LHCGR: variants seen among roughly 807,000 people sequenced by gnomAD.
LHCGR encodes luteinizing hormone/choriogonadotropin receptor, also known as lutropin-choriogonadotropic hormone receptor.
A neutral mutation model predicts 60.7 loss-of-function variants in LHCGR; 55 were observed. The ratio of observed to expected loss-of-function variants is 0.91; its 90% CI spans 0.73 to 1.13. LHCGR has a LOEUF of 1.13. Ranked by LOEUF, LHCGR falls within the 50% of genes most tolerant of loss-of-function variation. The pLI is 0.00. For synonymous variants in LHCGR, 337 were observed against 316.5 expected, an observed-to-expected ratio of 1.06 and a Z score of -0.69; for missense variants, 862 against 836.0, an observed-to-expected ratio of 1.03 and a Z score of -0.38.
At chr2:48,699,784 TCAA>T (rs770194122) in intron 8 of LHCGR, among the ~76,000 whole-genome samples, 3 of 152,240 alleles carry the variant, frequency 2.0e-5, no homozygotes, top group Admixed American at 6.5e-5. Flanking sequence ...TCAGGCTTTG[TCAA>T]CAAGGTCCTG....
chr2:48,691,524 A>G (rs993545682), intron 10 of LHCGR, among the ~76,000 whole-genome samples: 1 of 152,190 alleles, frequency 6.6e-6, no homozygotes. Flanking sequence ...ACTATTAAAG[A>G]AAATAGATCA....
chr2:48,703,265 C>A (rs977693262), intron 8 of LHCGR, among the ~76,000 whole-genome samples: 3 of 152,176 alleles, frequency 2.0e-5, no homozygotes, highest in African/African-American at 7.2e-5. Context: ...TGTGCAGAAG[C>A]TCTTTAGTTT....
Position 48,725,680 on chromosome 2 carries a change from A to G in LHCGR, c.379T>C (p.Tyr127His), listed in dbSNP as rs1425774068. The G allele has an allele frequency of 1.7e-5, 28 of 1,611,150 alleles. No homozygotes were observed. The highest frequency in any genetic ancestry group is 2.2e-5 in the Non-Finnish European group (26 of 1,177,430). The change falls in exon 4 of 11, where the codon TAC becomes CAC. Residue 127 changes from tyrosine to histidine, a missense_variant. Tyr to His is a moderately conservative substitution (Grantham distance 83). Transcript: ENST00000294954. ...GAFINLPRLK[Y>H]LSICNTGIRK... ...TTAAAAAGGAAAATTTCTCACAAGT[A>G]TTTTAATCGGGGAAGATTTATAAAT...
chr2:48,698,012 A>G (rs532908527), intron 9 of LHCGR, among the ~76,000 whole-genome samples: 1 of 152,288 alleles, frequency 6.6e-6, no homozygotes, highest in African/African-American at 2.4e-5. Context: ...TGAGGAAAGA[A>G]CGAAATTCTG....
Position 48,687,672 on chromosome 2 carries a change from A to C in LHCGR, c.*25T>G. Reference sequence around the variant, plus strand: ...TTTTTTACAGGTTTAAGAACAATTCAATAATGCAGTTACTGATGTAACAGT... The same window carrying C: ...TTTTTTACAGGTTTAAGAACAATTCCATAATGCAGTTACTGATGTAACAGT... On this transcript the variant is annotated 3_prime_UTR_variant, in exon 11 of 11. Coordinates refer to ENST00000294954, the MANE Select transcript of LHCGR (RefSeq NM_000233.4). 6.3e-7 allele frequency: 1 copy of C among 1,581,384 alleles called. No homozygotes were observed. Among genetic ancestry groups the C allele is most frequent in the Non-Finnish European group, 8.7e-7 (1 of 1,150,248 alleles).
intron 9 of LHCGR, among the ~76,000 whole-genome samples, chr2:48,698,374 T>C (rs1667229299): frequency 6.6e-6 from 1 of 152,242 alleles, no homozygotes; most frequent in Non-Finnish European, 1.5e-5. Flanking sequence ...TAATTCAGTT[T>C]ACCCAGAATT....
At chr2:48,714,933 A>G (rs994006218) in intron 6 of LHCGR, among the ~76,000 whole-genome samples, 12 of 152,176 alleles carry the variant, frequency 7.9e-5, no homozygotes, top group African/African-American at 2.9e-4. Context: ...AAAGCCTACA[A>G]CTGGCATAAA....
intron 3 of LHCGR, among the ~76,000 whole-genome samples, chr2:48,728,670 C>T (rs557054444): frequency 2.0e-5 from 3 of 152,134 alleles, no homozygotes; most frequent in African/African-American, 4.8e-5. Context: ...AGAGTTAATT[C>T]CAAAACATCA....
chr2:48,691,212 C>A (rs1218429224), intron 10 of LHCGR, among the ~76,000 whole-genome samples: 1 of 152,128 alleles, frequency 6.6e-6, no homozygotes, highest in Admixed American at 6.5e-5. Flanking sequence ...CGAAAGCTAA[C>A]TTCCCATGTT....
chr2:48,736,759 A>T (rs895722495), intron 1 of LHCGR, among the ~76,000 whole-genome samples: 2 of 152,182 alleles, frequency 1.3e-5, no homozygotes, highest in African/African-American at 4.8e-5. Context: ...AAAATCTGGA[A>T]ATCCTTGCTT....
intron 1 of LHCGR, among the ~76,000 whole-genome samples, chr2:48,744,810 A>G (rs1669623433): frequency 6.6e-6 from 1 of 151,752 alleles, no homozygotes; most frequent in Non-Finnish European, 1.5e-5. Context: ...CTAAAACACC[A>G]AAAGCAATGG....
intron 3 of LHCGR, among the ~76,000 whole-genome samples, chr2:48,727,324 C>T (rs1409919964): frequency 6.6e-6 from 1 of 152,018 alleles, no homozygotes; most frequent in East Asian, 1.9e-4. Context: ...CCCAGTCATT[C>T]ATTCATTTAA....
intron 1 of LHCGR, among the ~76,000 whole-genome samples, 188 bp from the exon 2 acceptor site, chr2:48,731,486 T>A (rs895885055): frequency 1.3e-5 from 2 of 152,198 alleles, no homozygotes; most frequent in African/African-American, 4.8e-5. Flanking sequence ...TCTTGGTCTT[T>A]ATCAAAGAGT....
At chr2:48,750,918 G>C (rs1307274639) in intron 1 of LHCGR, among the ~76,000 whole-genome samples, 1 of 152,198 alleles carries the variant, frequency 6.6e-6, no homozygotes, top group Admixed American at 6.5e-5. Context: ...ATTCTACAAG[G>C]TTCAAAACAG....
intron 10 of LHCGR, 128 bp downstream of exon 10, chr2:48,694,096 C>A: frequency 1.5e-6 from 1 of 686,478 alleles, no homozygotes; most frequent in Non-Finnish European, 2.6e-6. Context: ...CATTTTAAAA[C>A]TATTAAAAGT....
chr2:48,751,342 G>T (rs959423405), intron 1 of LHCGR, among the ~76,000 whole-genome samples: 1 of 152,040 alleles, frequency 6.6e-6, no homozygotes, highest in South Asian at 2.1e-4. Context: ...CCCCCAGCCT[G>T]GGAAGAATTT....
intron 1 of LHCGR, among the ~76,000 whole-genome samples, chr2:48,739,900 G>T (rs1572885757): frequency 6.6e-6 from 1 of 152,196 alleles, no homozygotes; most frequent in Non-Finnish European, 1.5e-5. Flanking sequence ...CGCAGAAGAT[G>T]GGTGATTTCT....
At chr2:48,696,687 G>A (rs191513022) in intron 9 of LHCGR, among the ~76,000 whole-genome samples, 1 of 152,296 alleles carries the variant, frequency 6.6e-6, no homozygotes, top group East Asian at 1.9e-4. Flanking sequence ...AACTTTTACT[G>A]ATGAGGAAGG....
chr2:48,707,708 C>T (rs547616297), intron 8 of LHCGR, among the ~76,000 whole-genome samples: 2 of 152,358 alleles, frequency 1.3e-5, no homozygotes, highest in East Asian at 3.9e-4. Context: ...CTACTCAAGC[C>T]TCAGCAATGG....
Sources: gnomAD v4.1 joint callset for allele counts (sites outside exome capture counted in the v4.1 genomes callset) on GRCh38, gnomAD v4.1.1 for gene constraint, MANE v1.5 for transcripts, NCBI Gene and HGNC (gene_info 2026-07-23, HGNC 2026-07-21) for gene names.